The following SDK1 variants were observed in gnomAD, a reference collection of about 807,000 sequenced individuals.
SDK1 encodes the protein sidekick cell adhesion molecule 1.
Under a neutral mutation model 245.5 loss-of-function variants are expected in SDK1, and 157 were observed. The ratio of observed to expected loss-of-function variants is 0.64; its 90% CI spans 0.56 to 0.73. The LOEUF is 0.73. SDK1 is among the 30% of genes least tolerant of loss of function. The probability of loss-of-function intolerance (pLI) is 0.00; values close to 1 mark genes in which losing one functional copy is unlikely to be tolerated. For synonymous variants in SDK1, 1,647 were observed against 1,278.5 expected, an observed-to-expected ratio of 1.29 and a Z score of -6.15; for missense variants, 3,583 against 3,002.3, an observed-to-expected ratio of 1.19 and a Z score of -4.52.
chr7:4,062,477 C>T (rs1779604585), intron 19 of SDK1, among the ~76,000 whole-genome samples: 1 of 152,100 alleles, frequency 6.6e-6, no homozygotes, highest in Non-Finnish European at 1.5e-5. Flanking sequence ...ACTCTCCCAA[C>T]AAAGAAAAAC....
In SDK1 at chr7:3,509,686, C is replaced by G. The variant is rs547535184; in HGVS notation, c.299-109394C>G. 8.5e-5 allele frequency among the ~76,000 whole-genome samples: 13 copies of G among 152,304 alleles called. No homozygotes were observed. The East Asian group carries it at 2.5e-3, about 29-fold the overall frequency. ...CCTGCATCTTCACTCAACACTTAAC[C>G]TCTGTTTAATGTCACAGGGCAGGCT... is the stretch of plus-strand genomic sequence containing the variant. On this transcript the variant is annotated intron_variant, in intron 1 of 44. Transcript: ENST00000404826.
intron 30 of SDK1, among the ~76,000 whole-genome samples, chr7:4,152,088 C>T (rs1365355771): frequency 1.3e-5 from 2 of 152,248 alleles, no homozygotes; most frequent in African/African-American, 2.4e-5. Context: ...CTGTGAAAGG[C>T]AGGGCTGGAG....
At chr7:3,836,177 T>A (rs1780024525) in intron 5 of SDK1, among the ~76,000 whole-genome samples, 1 of 152,248 alleles carries the variant, frequency 6.6e-6, no homozygotes, top group Admixed American at 6.5e-5. Flanking sequence ...ACACTCGTGT[T>A]CATGTTTTGC....
intron 14 of SDK1, among the ~76,000 whole-genome samples, chr7:4,003,539 A>G (rs764981581): frequency 3.9e-5 from 6 of 152,268 alleles, no homozygotes; most frequent in Non-Finnish European, 7.3e-5. Flanking sequence ...ACGTCACTCA[A>G]TCGGGATTTG....
intron 4 of SDK1, among the ~76,000 whole-genome samples, chr7:3,794,039 G>A (rs1406775781): frequency 1.3e-5 from 2 of 152,132 alleles, no homozygotes; most frequent in African/African-American, 4.8e-5. Context: ...TGCCAAATAT[G>A]TTTCATCTTT....
rs187979666 is a variant in SDK1, at chr7:3,887,393, G to A, written c.848-63530G>A. Among the ~76,000 whole-genome samples, 10 of 152,318 alleles carry A rather than the reference G, an allele frequency of 6.6e-5. No homozygotes were observed. In the East Asian group the frequency reaches 1.4e-3, roughly 21 times the overall value. On this transcript the variant is annotated intron_variant, in intron 5 of 44. Transcript: ENST00000404826. ...TTCCTTGTGCCTCGAACAGGCAGGGGAGGAACCGTGGAGTATTAGTGAACA... is the reference window on the plus strand; with the variant it reads ...TTCCTTGTGCCTCGAACAGGCAGGGAAGGAACCGTGGAGTATTAGTGAACA...
rs1337501399 is a variant in SDK1 at position 3,837,347 on chromosome 7, C to G, written c.847+15764C>G. 2.0e-5 allele frequency among the ~76,000 whole-genome samples: 3 copies of G among 152,184 alleles called. No individual in the cohort carries two copies. The East Asian group carries it at 5.8e-4, about 29-fold the overall frequency. On this transcript the variant is annotated intron_variant, in intron 5 of 44. Coordinates refer to ENST00000404826, the MANE Select transcript of SDK1 (RefSeq NM_152744.4). ...CAGCTGGGAGAACATTTTCCAGCTT[C>G]TCTTAAAATATGTGGCCATGCTAGG...
chr7:3,674,104 C>G (rs560517102), intron 4 of SDK1, among the ~76,000 whole-genome samples: 2 of 151,996 alleles, frequency 1.3e-5, no homozygotes, highest in Non-Finnish European at 2.9e-5. Context: ...TGGCACAGAC[C>G]GATCACATGT....
chr7:3,550,136 A>G (rs1026576445), intron 1 of SDK1, among the ~76,000 whole-genome samples: 2 of 152,160 alleles, frequency 1.3e-5, no homozygotes, highest in East Asian at 3.9e-4. Flanking sequence ...ACATATTAAT[A>G]TGTGTCTATC....
At chr7:4,139,812 G>A (rs145991352) in intron 28 of SDK1, among the ~76,000 whole-genome samples, 222 of 152,204 alleles carry the variant, frequency 1.5e-3, no homozygotes, top group African/African-American at 5.2e-3. Context: ...GGGGCTGAGA[G>A]CTTTAGCACC....
intron 17 of SDK1, among the ~76,000 whole-genome samples, chr7:4,027,495 C>G (rs982126003): frequency 1.3e-5 from 2 of 152,182 alleles, no homozygotes; most frequent in Non-Finnish European, 2.9e-5. Flanking sequence ...TTCACATCCA[C>G]CTGGCCCAGG....
At chr7:3,312,019 C>A (rs1000337672) in intron 1 of SDK1, among the ~76,000 whole-genome samples, 1 of 152,094 alleles carries the variant, frequency 6.6e-6, no homozygotes, top group African/African-American at 2.4e-5. Context: ...GCTTTTCCAT[C>A]TGTGAAAAGA....
At chr7:3,883,255 TA>T (rs1781250585) in intron 5 of SDK1, among the ~76,000 whole-genome samples, 1 of 152,188 alleles carries the variant, frequency 6.6e-6, no homozygotes, top group African/African-American at 2.4e-5. Context: ...TAGGATTTGT[TA>T]GGGGGAAAAG....
intron 1 of SDK1, among the ~76,000 whole-genome samples, chr7:3,356,224 C>A (rs1009368127): frequency 2.0e-5 from 3 of 152,092 alleles, no homozygotes; most frequent in South Asian, 2.1e-4. Flanking sequence ...CTCTAGTCAT[C>A]CTGTACCTTT....
At chr7:3,746,260 T>G (rs1028872958) in intron 4 of SDK1, among the ~76,000 whole-genome samples, 1 of 152,240 alleles carries the variant, frequency 6.6e-6, no homozygotes, top group Non-Finnish European at 1.5e-5. Context: ...AATACTTTAT[T>G]TTAAAATATA....
In SDK1 at chr7:3,601,077, C is replaced by G. The variant is rs145165449; in HGVS notation, c.299-18003C>G. Among the ~76,000 whole-genome samples the G allele has an allele frequency of 2.6e-3, 389 of 152,122 alleles. 1 individual carries two copies. The highest frequency in any genetic ancestry group is 0.013 in the Admixed American group (199 of 15,282). ...CCTTACATACCTAGAAGATACTCTA[C>G]TTAGTTGCATATACGTTATTTTAAT... On this transcript the variant is annotated intron_variant, in intron 1 of 44. Coordinates refer to ENST00000404826, the MANE Select transcript of SDK1 (RefSeq NM_152744.4).
intron 4 of SDK1, among the ~76,000 whole-genome samples, chr7:3,769,046 G>A (rs772895134): frequency 6.6e-6 from 1 of 152,114 alleles, no homozygotes; most frequent in Non-Finnish European, 1.5e-5. Context: ...TAAAACCTTT[G>A]TTGAATTTTT....
At chr7:3,746,498 C>T (rs992342073) in intron 4 of SDK1, among the ~76,000 whole-genome samples, 3 of 152,174 alleles carry the variant, frequency 2.0e-5, no homozygotes, top group Non-Finnish European at 4.4e-5. Flanking sequence ...CATAGTAGAA[C>T]GTCTTCCAAA....
At chr7:3,912,243 C>T (rs995812658) in intron 5 of SDK1, among the ~76,000 whole-genome samples, 28 of 152,266 alleles carry the variant, frequency 1.8e-4, no homozygotes, top group African/African-American at 6.5e-4. Flanking sequence ...AAATGTGTTT[C>T]TTAGGCTATA....
Sources: allele counts gnomAD v4.1 joint callset (sites outside exome capture counted in the v4.1 genomes callset), GRCh38; gene constraint gnomAD v4.1.1; transcripts MANE v1.5; gene names NCBI Gene and HGNC (gene_info 2026-07-23, HGNC 2026-07-21).